Variants in CBR4 observed in about 807,000 individuals in gnomAD.
The protein encoded by CBR4 is 3-oxoacyl-[acyl-carrier-protein] reductase.
A neutral mutation model predicts 21.0 loss-of-function variants in CBR4; 22 were observed. The observed-to-expected ratio is 1.05, with a 90% CI of 0.75 to 1.50. The LOEUF (loss-of-function observed/expected upper bound fraction) is 1.50, where lower values mean the gene tolerates loss of function less well. CBR4 is among the 40% of genes most tolerant of loss of function. The pLI, the probability that CBR4 is intolerant of heterozygous loss-of-function variation, is 0.00. For missense variants in CBR4, 302 were observed against 286.3 expected, an observed-to-expected ratio of 1.05 and a Z score of -0.40; for synonymous variants, 100 against 104.4, an observed-to-expected ratio of 0.96 and a Z score of 0.26.
chr4:168,988,038 T>G lies in CBR4; in HGVS notation c.*2112A>C, dbSNP rs1764752193. 1 of 985,252 alleles carries G rather than the reference T, an allele frequency of 1.0e-6. No individual in the cohort carries two copies. The highest frequency in any genetic ancestry group is 1.2e-6 in the Non-Finnish European group (1 of 829,862). The allele number at this position is 985,252 out of a possible 1,614,324, so 61.0% of individuals were successfully genotyped here. On this transcript the variant is annotated 3_prime_UTR_variant, in exon 5 of 5. Transcript: ENST00000306193. ...ACAGATGAGTCTTCTTGTTAAGAATTCATTCAATGCTTCTCAGAATAGCAG... is the reference window on the plus strand; with the variant it reads ...ACAGATGAGTCTTCTTGTTAAGAATGCATTCAATGCTTCTCAGAATAGCAG...
chr4:168,993,898 G>A (rs964494080), intron 4 of CBR4, among the ~76,000 whole-genome samples: 1 of 152,110 alleles, frequency 6.6e-6, no homozygotes, highest in African/African-American at 2.4e-5. Flanking sequence ...AAAAACCACT[G>A]GATTAGGACA....
At chr4:168,967,977 A>G (rs1341374853) in intron 2 of CBR4, among the ~76,000 whole-genome samples, 1 of 152,066 alleles carries the variant, frequency 6.6e-6, no homozygotes, top group Non-Finnish European at 1.5e-5. Flanking sequence ...CCTCAACACT[A>G]CCTGATCTTT....
chr4:168,963,408 T>C (rs1354980915), intron 2 of CBR4, among the ~76,000 whole-genome samples: 2 of 152,020 alleles, frequency 1.3e-5, no homozygotes, highest in African/African-American at 2.4e-5. Context: ...CCACAATGGA[T>C]TGACAATTAG....
At chr4:169,005,194 A>C (rs1328968445) in intron 3 of CBR4, 3 of 152,224 alleles carry the variant, frequency 2.0e-5, no homozygotes, top group Non-Finnish European at 4.4e-5. Flanking sequence ...TCAGAAAGAA[A>C]AATACAGAGA....
intron 2 of CBR4, among the ~76,000 whole-genome samples, chr4:168,913,293 C>T (rs545107104): frequency 3.3e-5 from 5 of 152,032 alleles, no homozygotes; most frequent in South Asian, 2.1e-4. Context: ...CATGCCACCA[C>T]GCCCGGCTAA....
intron 2 of CBR4, chr4:168,915,788 A>T: frequency 1.2e-6 from 1 of 845,764 alleles, no homozygotes; most frequent in East Asian, 2.5e-5. Context: ...GGATCAGATA[A>T]GGAAATCATA....
At chr4:168,977,367 T>C (rs1764404442) in intron 2 of CBR4, among the ~76,000 whole-genome samples, 1 of 152,224 alleles carries the variant, frequency 6.6e-6, no homozygotes, top group African/African-American at 2.4e-5. Flanking sequence ...CCTGATTTTC[T>C]ACTTACTGCT....
chr4:168,909,057 A>G (rs1267824840), intron 2 of CBR4, among the ~76,000 whole-genome samples: 1 of 152,208 alleles, frequency 6.6e-6, no homozygotes. Flanking sequence ...GACCAAAGCA[A>G]TCACATAGTT....
chr4:168,962,007 G>C (rs1192788207), intron 2 of CBR4, among the ~76,000 whole-genome samples: 2 of 144,106 alleles, frequency 1.4e-5, no homozygotes, highest in Middle Eastern at 3.6e-3. Flanking sequence ...GGAAAGGAGA[G>C]GAGGAAGGCA....
rs751168902 is a variant in CBR4 at position 169,007,736 on chromosome 4, A to C, written c.163T>G (p.Cys55Gly). Residue 55 changes from cysteine (C) to glycine (G), a missense_variant, in exon 2 of 5, where the codon TGT (cysteine) becomes GGT (glycine). Physicochemically the swap from Cys to Gly is radical, Grantham distance 159. Coordinates refer to ENST00000306193, the MANE Select transcript of CBR4 (RefSeq NM_032783.5). ...DLGGDHLAFSCDVAKEHDVQN... is the reference protein window; with the variant it reads ...DLGGDHLAFSGDVAKEHDVQN... ...ACATCATGTTCTTTAGCAACATCAC[A>C]GCTAAATGCCAAATGATCTCCTACA... 25 of 1,584,416 alleles carry C rather than the reference A, an allele frequency of 1.6e-5. No individual in the cohort carries two copies. The Admixed American group carries it at 1.8e-4, about 12-fold the overall frequency.
At chr4:168,968,715 T>C (rs531053660) in intron 2 of CBR4, among the ~76,000 whole-genome samples, 3 of 152,346 alleles carry the variant, frequency 2.0e-5, no homozygotes, top group South Asian at 4.1e-4. Context: ...AGTAGGAATA[T>C]GATAGGAATC....
chr4:168,976,523 T>A (rs925549123), intron 2 of CBR4, among the ~76,000 whole-genome samples: 1 of 152,170 alleles, frequency 6.6e-6, no homozygotes, highest in Middle Eastern at 3.2e-3. Flanking sequence ...GAGGTGGAGT[T>A]AGGAGCAATT....
At chr4:168,902,580 T>C (rs1756755743) in intron 2 of CBR4, among the ~76,000 whole-genome samples, 1 of 152,038 alleles carries the variant, frequency 6.6e-6, no homozygotes, top group African/African-American at 2.4e-5. Context: ...AGGCGGAGGT[T>C]ACAGTGAGCC....
Position 169,010,104 on chromosome 4 carries a change from C to CATAATAAAGCGTATTTCCCTGT in CBR4, c.-16_-15insACAGGGAAATACGCTTTATTAT. The CATAATAAAGCGTATTTCCCTGT allele has an allele frequency of 6.2e-7, 1 of 1,601,676 alleles. No homozygotes were observed. Among genetic ancestry groups the CATAATAAAGCGTATTTCCCTGT allele is most frequent in the Non-Finnish European group, 8.5e-7 (1 of 1,174,228 alleles). ...ACTTTGTCCATCTCGGAGTCACAAACTCGGAGGAAAGAGGGTAGGGAGTGG... is the reference window on the plus strand; with the variant it reads ...ACTTTGTCCATCTCGGAGTCACAAACATAATAAAGCGTATTTCCCTGTTCGGAGGAAAGAGGGTAGGGAGTGG... On this transcript the variant is annotated 5_prime_UTR_variant, in exon 1 of 5. In the 5' UTR this introduces an upstream ATG that the reference lacks. Coordinates refer to ENST00000306193, the MANE Select transcript of CBR4 (RefSeq NM_032783.5).
At chr4:168,992,980 T>C (rs1027472823) in intron 4 of CBR4, among the ~76,000 whole-genome samples, 8 of 152,180 alleles carry the variant, frequency 5.3e-5, no homozygotes, top group African/African-American at 1.7e-4. Flanking sequence ...TTCCTTCATA[T>C]CCTCTCATCT....
intron 2 of CBR4, among the ~76,000 whole-genome samples, chr4:168,948,599 C>A (rs1763457511): frequency 6.6e-6 from 1 of 152,136 alleles, no homozygotes; most frequent in Admixed American, 6.5e-5. Flanking sequence ...GCCAATTATC[C>A]CAGCACCATT....
Position 169,009,922 on chromosome 4 carries a change from C to T in CBR4, c.142+26G>A, listed in dbSNP as rs768864250. The T allele has an allele frequency of 5.1e-5, 81 of 1,601,130 alleles. No individual in the cohort carries two copies. The South Asian group carries it at 6.9e-4, about 14-fold the overall frequency. ...AGGCGCCTGGACCGCGGCCATACAACTGGACAACTCCAGTTTGGTACCTAC... is the reference window on the plus strand; with the variant it reads ...AGGCGCCTGGACCGCGGCCATACAATTGGACAACTCCAGTTTGGTACCTAC... On this transcript the variant is annotated intron_variant, in intron 1 of 4. Transcript: ENST00000306193.
At chr4:168,996,393 T>C (rs766235734) in intron 4 of CBR4, among the ~76,000 whole-genome samples, 1 of 151,400 alleles carries the variant, frequency 6.6e-6, no homozygotes, top group Admixed American at 6.6e-5. Context: ...ATAGATCCCA[T>C]GCACCCCCTT....
intron 2 of CBR4, chr4:168,894,791 A>C: frequency 6.6e-7 from 1 of 1,521,294 alleles, no homozygotes; most frequent in Non-Finnish European, 8.8e-7. Context: ...GGCAAGTCAC[A>C]GAAAAGCAGT....
Sources: gnomAD v4.1 joint callset for allele counts (sites outside exome capture counted in the v4.1 genomes callset) on GRCh38, gnomAD v4.1.1 for gene constraint, MANE v1.5 for transcripts, NCBI Gene and HGNC (gene_info 2026-07-23, HGNC 2026-07-21) for gene names.